POU2F1: variants seen among roughly 807,000 people sequenced by gnomAD.
The protein encoded by POU2F1 is POU class 2 homeobox 1, also known as POU domain, class 2, transcription factor 1.
A neutral mutation model predicts 84.9 loss-of-function variants in POU2F1; 16 were observed. The ratio of observed to expected loss-of-function variants is 0.19; its 90% CI spans 0.13 to 0.29. The LOEUF (loss-of-function observed/expected upper bound fraction) is 0.29. Ranked by LOEUF, POU2F1 falls within the 10% of genes least tolerant of loss-of-function variation. The pLI is 1.00. For missense variants in POU2F1, 738 were observed against 942.6 expected (o/e 0.78, Z 2.84); for synonymous variants, 368 against 368.3 (o/e 1.00, Z 0.01).
chr1:167,344,662 G>A (rs926093744), intron 2 of POU2F1, among the ~76,000 whole-genome samples: 4 of 152,064 alleles, frequency 2.6e-5, no homozygotes, highest in Non-Finnish European at 5.9e-5. Context: ...CCATCTCATA[G>A]TCTTGTTGTA....
chr1:167,360,025 T>C (rs1406569845), intron 2 of POU2F1, among the ~76,000 whole-genome samples: 1 of 152,034 alleles, frequency 6.6e-6, no homozygotes, highest in African/African-American at 2.4e-5. Context: ...TTAATGAAGT[T>C]TTTTTTCTTG....
intron 1 of POU2F1, among the ~76,000 whole-genome samples, chr1:167,294,107 C>T (rs978777704): frequency 7.8e-5 from 11 of 141,828 alleles, no homozygotes; most frequent in South Asian, 4.5e-4. Flanking sequence ...CCGAGGCGGG[C>T]GGATCACAAG....
intron 1 of POU2F1, among the ~76,000 whole-genome samples, chr1:167,261,193 A>G (rs576893890): frequency 2.6e-5 from 4 of 152,372 alleles, no homozygotes; most frequent in African/African-American, 9.6e-5. Context: ...AAATGAGTCA[A>G]GCAAGCGCTA....
chr1:167,290,802 A>T (rs975961421), intron 1 of POU2F1, among the ~76,000 whole-genome samples: 1 of 152,210 alleles, frequency 6.6e-6, no homozygotes, highest in Non-Finnish European at 1.5e-5. Context: ...CAACACTGGG[A>T]AGTGAAGGGG....
intron 12 of POU2F1, among the ~76,000 whole-genome samples, chr1:167,400,337 A>G (rs182511360): frequency 2.1e-3 from 315 of 152,206 alleles, no homozygotes; most frequent in Non-Finnish European, 3.7e-3. Context: ...TAATTCTTTC[A>G]TCACATTTCC....
intron 1 of POU2F1, among the ~76,000 whole-genome samples, chr1:167,239,084 TC>T (rs1036542549): frequency 1.2e-4 from 18 of 152,062 alleles, no homozygotes; most frequent in Admixed American, 3.9e-4. Flanking sequence ...AAACTTTTTT[TC>T]CCCCCCAAAT....
At chr1:167,325,911 T>C (rs984279183) in intron 1 of POU2F1, among the ~76,000 whole-genome samples, 25 of 150,380 alleles carry the variant, frequency 1.7e-4, no homozygotes, top group African/African-American at 6.1e-4. Context: ...AAACTAGTAG[T>C]GTTAACCGTG....
chr1:167,401,783 C>T (rs921662796), intron 13 of POU2F1, among the ~76,000 whole-genome samples: 5 of 152,290 alleles, frequency 3.3e-5, no homozygotes, highest in Non-Finnish European at 5.9e-5. Flanking sequence ...AGGTTATTTC[C>T]GGTCTGAACC....
intron 1 of POU2F1, among the ~76,000 whole-genome samples, chr1:167,286,856 A>G (rs1273045954): frequency 3.3e-5 from 5 of 152,210 alleles, no homozygotes; most frequent in Non-Finnish European, 5.9e-5. Flanking sequence ...AATGTCTACA[A>G]ATGTCCATAA....
At position 167,291,064 on chromosome 1, in the gene POU2F1, A is replaced by G. The variant is rs557060583; in HGVS notation, c.62-41406A>G. ...TGTCAGAAAAAAAAAAAAAAAAAAA[A>G]GTCATTTCATAAAATTGTTGGAAAA... On this transcript the variant is annotated intron_variant, in intron 1 of 15. Coordinates refer to ENST00000367866, the MANE Select transcript of POU2F1 (RefSeq NM_002697.4). Among the ~76,000 whole-genome samples the G allele has an allele frequency of 4.2e-3, 609 of 143,776 alleles. 11 individuals are homozygous for G. The highest frequency in any genetic ancestry group is 0.015 in the African/African-American group (588 of 39,038). 94.3% of individuals were successfully genotyped at this position (143,776 alleles called of 152,430 possible).
chr1:167,401,531 T>A lies in POU2F1; in HGVS notation c.1530T>A (p.Ala510=), dbSNP rs768910327. 5 of 1,609,112 alleles carry A rather than the reference T, an allele frequency of 3.1e-6. No individual in the cohort carries two copies. Among genetic ancestry groups the A allele is most frequent in the Non-Finnish European group, 4.2e-6 (5 of 1,177,974 alleles). Reference sequence around the variant, plus strand: ...GCCCTGTCCTCCCTCTGACCAGTGCTGCTGTGACGAATCTTTCAGTTACAG... The same window carrying A: ...GCCCTGTCCTCCCTCTGACCAGTGCAGCTGTGACGAATCTTTCAGTTACAG... ...TVSPVLPLTS[A]AVTNLSVTGT... Residue 510 remains alanine, a synonymous_variant, in exon 13 of 16, where the codon GCT becomes GCA. Coordinates refer to ENST00000367866, the MANE Select transcript of POU2F1 (RefSeq NM_002697.4).
At chr1:167,356,405 C>T (rs1418459044) in intron 2 of POU2F1, among the ~76,000 whole-genome samples, 2 of 152,046 alleles carry the variant, frequency 1.3e-5, no homozygotes, top group Non-Finnish European at 2.9e-5. Flanking sequence ...ACACACAAAT[C>T]ACCTGCAAAG....
In POU2F1 at chr1:167,342,121, G is replaced by A. The variant is rs547840256; in HGVS notation, c.127+9586G>A. Among the ~76,000 whole-genome samples the A allele has an allele frequency of 1.4e-3, 212 of 152,162 alleles. 1 individual carries two copies. The highest frequency in any genetic ancestry group is 4.5e-3 in the African/African-American group (188 of 41,504). The stretch of plus-strand genomic sequence containing the variant: ...GCAGGCCAAAAGGCAACTTTTGGGC[G>A]CAAAAACAGAAATACCTGTTCCCAT... On this transcript the variant is annotated intron_variant, in intron 2 of 15. Coordinates refer to ENST00000367866, the MANE Select transcript of POU2F1 (RefSeq NM_002697.4).
chr1:167,323,196 AAGAC>A (rs1263804948), intron 1 of POU2F1, among the ~76,000 whole-genome samples: 1 of 152,202 alleles, frequency 6.6e-6, no homozygotes, highest in African/African-American at 2.4e-5. Context: ...GAATGAAAGA[AAGAC>A]AGTTATAGAA....
chr1:167,295,121 C>CAA (rs552247701), intron 1 of POU2F1, among the ~76,000 whole-genome samples: 9 of 141,898 alleles, frequency 6.3e-5, no homozygotes, highest in African/African-American at 1.8e-4. Context: ...GACTCCATCT[C>CAA]AAAAAAAAAA....
chr1:167,415,893 G>A lies in POU2F1; in HGVS notation c.*83G>A. On this transcript the variant is annotated 3_prime_UTR_variant, in exon 16 of 16. Coordinates refer to ENST00000367866, the MANE Select transcript of POU2F1 (RefSeq NM_002697.4). ...CAGCCAGGTTAATAAACTGAAAAAT[G>A]TGATTGGCTTCCTCTCGCCGTGTTG... The A allele has an allele frequency of 1.6e-6, 2 of 1,233,148 alleles. No homozygotes were observed. Among genetic ancestry groups the A allele is most frequent in the African/African-American group, 1.5e-5 (1 of 64,956 alleles). The allele number at this position is 1,233,148 out of a possible 1,614,324, so 76.4% of individuals were successfully genotyped here.
intron 9 of POU2F1, among the ~76,000 whole-genome samples, chr1:167,393,690 G>C (rs1028936229): frequency 6.6e-6 from 1 of 152,082 alleles, no homozygotes; most frequent in African/African-American, 2.4e-5. Context: ...TAGAGATGGG[G>C]CCTTCTGTTT....
chr1:167,261,570 A>T (rs539724043), intron 1 of POU2F1, among the ~76,000 whole-genome samples: 2 of 152,316 alleles, frequency 1.3e-5, no homozygotes, highest in East Asian at 3.9e-4. Flanking sequence ...CAAGCTTCTG[A>T]TAAGCATTTT....
At chr1:167,331,075 CTG>C (rs1657053385) in intron 1 of POU2F1, among the ~76,000 whole-genome samples, 1 of 152,026 alleles carries the variant, frequency 6.6e-6, no homozygotes, top group Non-Finnish European at 1.5e-5. Context: ...TTAAATTTCT[CTG>C]GACAGTGAGA....
Sources: allele counts gnomAD v4.1 joint callset (sites outside exome capture counted in the v4.1 genomes callset), GRCh38; gene constraint gnomAD v4.1.1; transcripts MANE v1.5; gene names NCBI Gene and HGNC (gene_info 2026-07-23, HGNC 2026-07-21).